ANO2: variants seen among roughly 807,000 people sequenced by gnomAD.
ANO2 encodes the protein anoctamin-2.
In ANO2, 101 loss-of-function variants were observed where a neutral mutation model predicts 124.2. The ratio of observed to expected loss-of-function variants is 0.81; its 90% CI spans 0.69 to 0.96. The LOEUF (loss-of-function observed/expected upper bound fraction) is 0.96. Among genes scored for constraint, ANO2 ranks in the 40% least tolerant of loss-of-function variants. The pLI, the probability that ANO2 is intolerant of heterozygous loss-of-function variation, is 0.00. For missense variants in ANO2, 1,293 were observed against 1,274.5 expected (o/e 1.01, Z -0.22); for synonymous variants, 486 against 482.5 (o/e 1.01, Z -0.09).
chr12:5,649,005 T>C (rs985490583), intron 14 of ANO2, among the ~76,000 whole-genome samples: 4 of 152,172 alleles, frequency 2.6e-5, no homozygotes, highest in Non-Finnish European at 5.9e-5. Context: ...TAAAAATCCC[T>C]CTGGGGCCCA....
intron 16 of ANO2, among the ~76,000 whole-genome samples, chr12:5,621,749 A>G (rs1004968754): frequency 6.6e-6 from 1 of 151,968 alleles, no homozygotes; most frequent in African/African-American, 2.4e-5. Flanking sequence ...AGGAGCAGAG[A>G]CTGATCTGGG....
At chr12:5,923,242 ACG>A (rs1309773582) in intron 1 of ANO2, among the ~76,000 whole-genome samples, 2 of 139,864 alleles carry the variant, frequency 1.4e-5, no homozygotes, top group Non-Finnish European at 3.0e-5. Flanking sequence ...ACATACACAC[ACG>A]CATACACACA....
At chr12:5,604,939 C>T (rs186945606) in intron 19 of ANO2, among the ~76,000 whole-genome samples, 17 of 151,844 alleles carry the variant, frequency 1.1e-4, no homozygotes, top group East Asian at 1.9e-4. Flanking sequence ...TTTTTCCGTC[C>T]CTTTTTAATG....
At chr12:5,735,681 G>A (rs1950831724) in intron 13 of ANO2, among the ~76,000 whole-genome samples, 1 of 152,182 alleles carries the variant, frequency 6.6e-6, no homozygotes, top group Non-Finnish European at 1.5e-5. Context: ...CACAAAAGCC[G>A]AGAAGACAGG....
At chr12:5,746,147 G>A (rs968976150) in intron 11 of ANO2, among the ~76,000 whole-genome samples, 1 of 152,196 alleles carries the variant, frequency 6.6e-6, no homozygotes, top group Non-Finnish European at 1.5e-5. Context: ...CAGAAACCTA[G>A]TCAACTGAAT....
At chr12:5,583,923 G>A in intron 20 of ANO2, 1 of 222,022 alleles carries the variant, frequency 4.5e-6, no homozygotes, top group East Asian at 1.1e-4. Flanking sequence ...CACAGAGTGT[G>A]CCAGCTTCCT....
At chr12:5,788,591 A>G (rs892279917) in intron 10 of ANO2, among the ~76,000 whole-genome samples, 1 of 143,562 alleles carries the variant, frequency 7.0e-6, no homozygotes, top group Non-Finnish European at 1.6e-5. Flanking sequence ...GACGGAGTCT[A>G]ACTGTCACCC....
intron 13 of ANO2, among the ~76,000 whole-genome samples, chr12:5,735,686 G>C (rs1002316592): frequency 6.6e-6 from 1 of 152,176 alleles, no homozygotes; most frequent in African/African-American, 2.4e-5. Context: ...AAGCCGAGAA[G>C]ACAGGCCTTG....
intron 20 of ANO2, among the ~76,000 whole-genome samples, chr12:5,596,484 A>T (rs912454997): frequency 2.6e-5 from 4 of 152,186 alleles, no homozygotes; most frequent in African/African-American, 9.6e-5. Flanking sequence ...TCTGTTTTCA[A>T]GATTCCAGGT....
chr12:5,851,924 A>G (rs1400364138), intron 4 of ANO2: 1 of 739,758 alleles, frequency 1.4e-6, no homozygotes, highest in Admixed American at 1.8e-5. Context: ...TGGGGGATGG[A>G]AATCATAACA....
intron 14 of ANO2, among the ~76,000 whole-genome samples, chr12:5,677,778 G>A (rs1378158743): frequency 2.6e-5 from 4 of 152,188 alleles, no homozygotes; most frequent in Non-Finnish European, 4.4e-5. Flanking sequence ...GAGAAAAGAA[G>A]CATTTGTCCC....
At chr12:5,913,728 G>A (rs1471658460) in intron 3 of ANO2, among the ~76,000 whole-genome samples, 3 of 152,158 alleles carry the variant, frequency 2.0e-5, no homozygotes, top group African/African-American at 7.2e-5. Flanking sequence ...CCCCTTGCAG[G>A]GTATTCATGA....
At chr12:5,712,284 T>TG (rs924918544) in intron 14 of ANO2, among the ~76,000 whole-genome samples, 4 of 150,586 alleles carry the variant, frequency 2.7e-5, no homozygotes, top group African/African-American at 9.8e-5. Flanking sequence ...CGACCTGACT[T>TG]GGAAAAAAAA....
intron 13 of ANO2, 50 bp downstream of exon 13, chr12:5,739,267 A>G (rs1555152905): frequency 6.7e-7 from 1 of 1,501,214 alleles, no homozygotes; most frequent in South Asian, 1.2e-5. Flanking sequence ...CAGGGTCAAA[A>G]CAAAGCAAAA....
intron 20 of ANO2, among the ~76,000 whole-genome samples, chr12:5,594,802 C>T (rs1943579448): frequency 6.6e-6 from 1 of 152,138 alleles, no homozygotes; most frequent in Admixed American, 6.5e-5. Flanking sequence ...GGTGCCACTG[C>T]ACTCCAGCCT....
chr12:5,612,162 T>C (rs1259143376), intron 19 of ANO2, among the ~76,000 whole-genome samples: 1 of 152,232 alleles, frequency 6.6e-6, no homozygotes, highest in Non-Finnish European at 1.5e-5. Flanking sequence ...CTATGACATT[T>C]TCATAAAACC....
chr12:5,922,397 C>T (rs183594506), intron 2 of ANO2, among the ~76,000 whole-genome samples: 102 of 152,330 alleles, frequency 6.7e-4, no homozygotes, highest in African/African-American at 2.3e-3. Flanking sequence ...CGACTGGCCT[C>T]CCACGCCTCC....
intron 10 of ANO2, among the ~76,000 whole-genome samples, chr12:5,782,595 G>C (rs1026484994): frequency 6.6e-6 from 1 of 152,066 alleles, no homozygotes; most frequent in African/African-American, 2.4e-5. Flanking sequence ...TTTCCAGTTG[G>C]TTATGGCAGA....
chr12:5,919,176 A>G (rs1941550932), intron 3 of ANO2, among the ~76,000 whole-genome samples: 1 of 152,104 alleles, frequency 6.6e-6, no homozygotes, highest in South Asian at 2.1e-4. Flanking sequence ...ACAGAGAGGG[A>G]CGGGGTGGGG....
Sources: gnomAD v4.1 joint callset for allele counts (sites outside exome capture counted in the v4.1 genomes callset) on GRCh38, gnomAD v4.1.1 for gene constraint, MANE v1.5 for transcripts, NCBI Gene and HGNC (gene_info 2026-07-23, HGNC 2026-07-21) for gene names.